PPP2R1A: variants seen among roughly 807,000 people sequenced by gnomAD.
PPP2R1A encodes serine/threonine-protein phosphatase 2A 65 kDa regulatory subunit A alpha isoform.
Under a neutral mutation model 67.1 loss-of-function variants are expected in PPP2R1A, and 15 were observed. The ratio of observed to expected loss-of-function variants is 0.22; its 90% CI spans 0.15 to 0.34. The LOEUF is 0.34. PPP2R1A is among the 10% of genes least tolerant of loss of function. The probability of loss-of-function intolerance (pLI) is 1.00; values close to 1 mark genes in which losing one functional copy is unlikely to be tolerated. For missense variants in PPP2R1A, 369 were observed against 775.0 expected, an observed-to-expected ratio of 0.48 and a Z score of 6.22; for synonymous variants, 337 against 325.0, an observed-to-expected ratio of 1.04 and a Z score of -0.40.
Position 52,212,520 on chromosome 19 carries a change from A to G in PPP2R1A, c.504-166A>G. ...CCTCATGCGGACCTGTGGGGTAGGT[A>G]CTGTTACTATCAGCTCCGTTTCATA... On this transcript the variant is annotated intron_variant, in intron 4 of 14. Coordinates refer to ENST00000322088, the MANE Select transcript of PPP2R1A (RefSeq NM_014225.6). This position sits in a 1 kb window ranked among gnomAD's most constrained non-coding sequence, Gnocchi z 4.1. 1.4e-6 allele frequency: 1 copy of G among 733,024 alleles called. No individual in the cohort carries two copies. The highest frequency in any genetic ancestry group is 2.7e-5 in the East Asian group (1 of 36,374). The allele number at this position is 733,024 out of a possible 1,614,324, so 45.4% of individuals were successfully genotyped here. A position where few individuals can be genotyped will look rare whatever the true frequency, so the allele number is the denominator to read the frequency against.
intron 3 of PPP2R1A, among the ~76,000 whole-genome samples, chr19:52,210,602 C>T (rs150176798): frequency 8.6e-4 from 129 of 149,572 alleles, no homozygotes; most frequent in Non-Finnish European, 1.7e-3. Flanking sequence ...AAGGATTCTT[C>T]TGCCTCAGCC....
At chr19:52,221,729 T>C (rs1470686390) in intron 12 of PPP2R1A, among the ~76,000 whole-genome samples, 1 of 152,170 alleles carries the variant, frequency 6.6e-6, no homozygotes, top group African/African-American at 2.4e-5. Flanking sequence ...TCTCATGTAC[T>C]ACTTATTTAT....
In PPP2R1A at chr19:52,225,815, C is replaced by G; in HGVS notation, c.1753+7C>G. On this transcript the variant is annotated splice_region_variant and intron_variant, in intron 14 of 14. Coordinates refer to ENST00000322088, the MANE Select transcript of PPP2R1A (RefSeq NM_014225.6). ...GCCCAGGAGGCTCTGACTGGTAAGA[C>G]CTAGAAAGCACGGAGCCCTAGCAGG... is the stretch of plus-strand genomic sequence containing the variant. 1 of 1,613,574 alleles carries G rather than the reference C, an allele frequency of 6.2e-7. No individual in the cohort carries two copies. The highest frequency in any genetic ancestry group is 8.5e-7 in the Non-Finnish European group (1 of 1,179,518).
Position 52,226,155 on chromosome 19 carries a change from G to A in PPP2R1A, c.*174G>A. The A allele has an allele frequency of 9.9e-7, 1 of 1,005,958 alleles. No homozygotes were observed. The highest frequency in any genetic ancestry group is 1.5e-6 in the Non-Finnish European group (1 of 679,740). 62.3% of individuals were successfully genotyped at this position (1,005,958 alleles called of 1,614,324 possible). On this transcript the variant is annotated 3_prime_UTR_variant, in exon 15 of 15. Coordinates refer to ENST00000322088, the MANE Select transcript of PPP2R1A (RefSeq NM_014225.6). ...CCCCAGCCTGGGAAGATGTCTCACT[G>A]TCCACCTCCCAACGGGCTAGGGGAG...
chr19:52,197,375 A>G (rs2089506217), intron 1 of PPP2R1A, among the ~76,000 whole-genome samples: 1 of 152,006 alleles, frequency 6.6e-6, no homozygotes, highest in Non-Finnish European at 1.5e-5. Flanking sequence ...ACCCCTCTAC[A>G]AGAGAAAAAC....
Position 52,226,032 on chromosome 19 carries a change from A to T in PPP2R1A, c.*51A>T. 6.2e-7 allele frequency: 1 copy of T among 1,613,550 alleles called. No homozygotes were observed. Among genetic ancestry groups the T allele is most frequent in the African/African-American group, 1.3e-5 (1 of 75,004 alleles). On this transcript the variant is annotated 3_prime_UTR_variant, in exon 15 of 15. Transcript: ENST00000322088. ...CTCTGGTGTCCACCCTCCAACCCCC[A>T]CAAGTCCCTCTTTGGGGAGACACTG...
chr19:52,222,305 C>A, intron 13 of PPP2R1A, 64 bp downstream of exon 13: 1 of 1,554,948 alleles, frequency 6.4e-7, no homozygotes, highest in Non-Finnish European at 8.7e-7. Context: ...AATCTTTGAC[C>A]TTTGAAGGTA....
intron 1 of PPP2R1A, among the ~76,000 whole-genome samples, chr19:52,192,002 G>C (rs922745611): frequency 6.6e-6 from 1 of 151,858 alleles, no homozygotes; most frequent in African/African-American, 2.4e-5. Flanking sequence ...AGTGAGGAGA[G>C]ACAGACAATA....
intron 2 of PPP2R1A, among the ~76,000 whole-genome samples, chr19:52,203,880 T>C (rs765061230): frequency 6.6e-6 from 1 of 152,190 alleles, no homozygotes; most frequent in African/African-American, 2.4e-5. Flanking sequence ...GAAACACTTA[T>C]GTTTACTGGT....
chr19:52,201,617 G>A, intron 1 of PPP2R1A: 1 of 338,222 alleles, frequency 3.0e-6, no homozygotes, highest in Non-Finnish European at 5.9e-6. Context: ...ATGATACTGT[G>A]TATAGGAGAA....
intron 1 of PPP2R1A, among the ~76,000 whole-genome samples, chr19:52,191,755 A>T (rs1010991921): frequency 6.6e-6 from 1 of 152,220 alleles, no homozygotes; most frequent in Non-Finnish European, 1.5e-5. Flanking sequence ...TGTATGAGAT[A>T]TGATGCTGGG....
At position 52,213,462 on chromosome 19, in the gene PPP2R1A, T is replaced by G. The variant is rs1165107482; in HGVS notation, c.807+352T>G. ...AAAAGGTGGGGTTTTTTGGTGTTTTTTTTTTTTTTTTTTTTTTTTTTTTTT... is the reference window on the plus strand; with the variant it reads ...AAAAGGTGGGGTTTTTTGGTGTTTTGTTTTTTTTTTTTTTTTTTTTTTTTT... On this transcript the variant is annotated intron_variant, in intron 6 of 14. Transcript: ENST00000322088. This position sits in a 1 kb window ranked among gnomAD's most constrained non-coding sequence, Gnocchi z 4.2. Among the ~76,000 whole-genome samples, 6 of 104,864 alleles carry G rather than the reference T, an allele frequency of 5.7e-5. No homozygotes were observed. The highest frequency in any genetic ancestry group is 4.9e-4 in the East Asian group (2 of 4,082). 68.8% of individuals were successfully genotyped at this position (104,864 alleles called of 152,430 possible). A position where few individuals can be genotyped will look rare whatever the true frequency, so the allele number is the denominator to read the frequency against.
In PPP2R1A at chr19:52,190,248, ACT is replaced by A. The variant is rs2089439928; in HGVS notation, c.78+76_78+77del. Reference sequence around the variant, plus strand: ...GGCACGGGCGGCCCTCGCGGAGAAGACTCAGCGTTCGCTGGGAGTGGCGGAAG... The same window carrying A: ...GGCACGGGCGGCCCTCGCGGAGAAGACAGCGTTCGCTGGGAGTGGCGGAAG... On this transcript the variant is annotated intron_variant, in intron 1 of 14. Transcript: ENST00000322088. 1.0e-5 allele frequency: 15 copies of A among 1,490,186 alleles called. No individual in the cohort carries two copies. The East Asian group carries it at 3.6e-4, about 36-fold the overall frequency. 92.3% of individuals were successfully genotyped at this position (1,490,186 alleles called of 1,614,324 possible).
intron 1 of PPP2R1A, among the ~76,000 whole-genome samples, chr19:52,195,108 A>G (rs1161974904): frequency 1.3e-5 from 2 of 152,186 alleles, no homozygotes; most frequent in Non-Finnish European, 2.9e-5. Context: ...GGATTATACC[A>G]TATACATTCA....
intron 13 of PPP2R1A, 36 bp downstream of exon 13, chr19:52,222,277 G>A (rs185632897): frequency 1.9e-6 from 3 of 1,597,268 alleles, no homozygotes; most frequent in East Asian, 2.3e-5. Flanking sequence ...ACTGGCAGGG[G>A]CTTCTTGTGG....
chr19:52,205,468 G>C (rs979401222), intron 2 of PPP2R1A, among the ~76,000 whole-genome samples: 1 of 152,132 alleles, frequency 6.6e-6, no homozygotes, highest in Non-Finnish European at 1.5e-5. Flanking sequence ...ACTGAGCCCA[G>C]AGAAGGTGTA....
In PPP2R1A at chr19:52,212,428, C is replaced by T; in HGVS notation, c.504-258C>T. On this transcript the variant is annotated intron_variant, in intron 4 of 14. Coordinates refer to ENST00000322088, the MANE Select transcript of PPP2R1A (RefSeq NM_014225.6). The surrounding 1 kb of genome is among the most constrained non-coding windows in gnomAD (Gnocchi z 4.1). ...TATGGGAATGATGTAATCGTCAGCACTTAGCATTGACTAGATTTATTATGC... is the reference window on the plus strand; with the variant it reads ...TATGGGAATGATGTAATCGTCAGCATTTAGCATTGACTAGATTTATTATGC... 2.0e-6 allele frequency: 1 copy of T among 510,724 alleles called. No individual in the cohort carries two copies. The highest frequency in any genetic ancestry group is 3.5e-6 in the Non-Finnish European group (1 of 287,170). The allele number at this position is 510,724 out of a possible 1,614,324, so 31.6% of individuals were successfully genotyped here.
chr19:52,201,798 T>G, intron 1 of PPP2R1A, 146 bp from the exon 2 acceptor site: 1 of 643,442 alleles, frequency 1.6e-6, no homozygotes, highest in Non-Finnish European at 2.7e-6. Context: ...CAGGGTCTCT[T>G]GGTGGGTGTT....
At chr19:52,225,634 C>T in intron 13 of PPP2R1A, 83 bp from the exon 14 acceptor site, 1 of 1,291,330 alleles carries the variant, frequency 7.7e-7, no homozygotes, top group Non-Finnish European at 1.1e-6. Flanking sequence ...TGTACACTCT[C>T]TTGCCCAAGA....
Sources: allele counts gnomAD v4.1 joint callset (sites outside exome capture counted in the v4.1 genomes callset), GRCh38; gene constraint gnomAD v4.1.1; non-coding constraint Gnocchi (gnomAD v3.1); transcripts MANE v1.5; gene names NCBI Gene and HGNC (gene_info 2026-07-23, HGNC 2026-07-21).